Variants in ZZZ3 observed in about 807,000 individuals in gnomAD.
The protein encoded by ZZZ3 is zinc finger ZZ-type containing 3.
In ZZZ3, 22 loss-of-function variants were observed where a neutral mutation model predicts 95.2. That is an observed-to-expected ratio of 0.23 (90% confidence interval 0.17 to 0.33). The LOEUF is 0.33. Among genes scored for constraint, ZZZ3 ranks in the 10% least tolerant of loss-of-function variants. ZZZ3 has a pLI of 1.00. For missense variants in ZZZ3, 885 were observed against 1,066.5 expected (o/e 0.83, Z 2.37); for synonymous variants, 335 against 358.9 (o/e 0.93, Z 0.75).
chr1:77,630,113 A>G (rs1667664595), intron 5 of ZZZ3, among the ~76,000 whole-genome samples: 1 of 152,198 alleles, frequency 6.6e-6, no homozygotes, highest in Non-Finnish European at 1.5e-5. Context: ...ACATTTCTTT[A>G]GTTTTTGGTA....
chr1:77,624,219 C>T (rs1018373977), intron 5 of ZZZ3, among the ~76,000 whole-genome samples: 2 of 152,138 alleles, frequency 1.3e-5, no homozygotes, highest in Non-Finnish European at 2.9e-5. Context: ...ACACAGAGCT[C>T]CTAAGACCTC....
At chr1:77,618,193 G>A (rs985679750) in intron 5 of ZZZ3, among the ~76,000 whole-genome samples, 12 of 148,452 alleles carry the variant, frequency 8.1e-5, no homozygotes, top group Admixed American at 6.7e-4. Flanking sequence ...CTTTTTGCTG[G>A]AAGATATACC....
intron 12 of ZZZ3, among the ~76,000 whole-genome samples, chr1:77,575,828 G>A (rs185768729): frequency 8.3e-4 from 126 of 152,310 alleles, no homozygotes; most frequent in African/African-American, 2.9e-3. Context: ...CAGAGTTGAG[G>A]TGGGTAGGGA....
chr1:77,581,087 C>T lies in ZZZ3; in HGVS notation c.1909-18G>A. The T allele has an allele frequency of 6.2e-7, 1 of 1,609,538 alleles. No individual in the cohort carries two copies. Among genetic ancestry groups the T allele is most frequent in the Non-Finnish European group, 8.5e-7 (1 of 1,176,004 alleles). ...CTTATCATCTGCACATAAGACAAGG[C>T]TTTTGTCAGAGAGAAAATAACAACA... On this transcript the variant is annotated intron_variant, in intron 8 of 14. Transcript: ENST00000370801.
At chr1:77,627,177 T>A (rs1016391501) in intron 5 of ZZZ3, among the ~76,000 whole-genome samples, 3 of 152,178 alleles carry the variant, frequency 2.0e-5, no homozygotes, top group African/African-American at 7.2e-5. Context: ...AGAAGTTTGA[T>A]CCTATTTAGT....
At chr1:77,636,705 GAAAAAAAA>G (rs10568853) in intron 4 of ZZZ3, among the ~76,000 whole-genome samples, 5 of 67,646 alleles carry the variant, frequency 7.4e-5, no homozygotes, top group Non-Finnish European at 1.3e-4. Context: ...GCCCTGTCTT[GAAAAAAAA>G]AAAAAAAAAA....
intron 5 of ZZZ3, among the ~76,000 whole-genome samples, chr1:77,590,516 C>T (rs1663578670): frequency 6.6e-6 from 1 of 152,232 alleles, no homozygotes; most frequent in Admixed American, 6.5e-5. Flanking sequence ...TGCAATAGAA[C>T]CACATTATCC....
chr1:77,583,334 G>T (rs988644954), intron 6 of ZZZ3, among the ~76,000 whole-genome samples: 3 of 152,100 alleles, frequency 2.0e-5, no homozygotes, highest in South Asian at 4.1e-4. Flanking sequence ...TGTTTTAGTT[G>T]AATCCATTGT....
At chr1:77,638,059 G>A (rs183804345) in intron 4 of ZZZ3, among the ~76,000 whole-genome samples, 19 of 152,246 alleles carry the variant, frequency 1.2e-4, no homozygotes, top group African/African-American at 3.9e-4. Flanking sequence ...TTTCCTATAT[G>A]TTATCTACCA....
At chr1:77,635,873 T>C (rs966208305) in intron 4 of ZZZ3, among the ~76,000 whole-genome samples, 1 of 152,080 alleles carries the variant, frequency 6.6e-6, no homozygotes, top group Non-Finnish European at 1.5e-5. Flanking sequence ...GCCACTGCAC[T>C]CTAGCCTGGG....
intron 1 of ZZZ3, among the ~76,000 whole-genome samples, chr1:77,668,173 T>G (rs1183543601): frequency 6.6e-6 from 1 of 152,228 alleles, no homozygotes; most frequent in African/African-American, 2.4e-5. Context: ...GAATTTTTTT[T>G]GTAATTTAAA....
chr1:77,620,070 G>A (rs1042739745), intron 5 of ZZZ3, among the ~76,000 whole-genome samples: 2 of 152,018 alleles, frequency 1.3e-5, no homozygotes, highest in African/African-American at 4.8e-5. Context: ...CACACAAGGA[G>A]CAACTAATAA....
chr1:77,611,588 A>C (rs1057050306), intron 5 of ZZZ3, among the ~76,000 whole-genome samples: 1 of 152,080 alleles, frequency 6.6e-6, no homozygotes, highest in Non-Finnish European at 1.5e-5. Context: ...CAATGATTTC[A>C]AAATATACTA....
intron 5 of ZZZ3, among the ~76,000 whole-genome samples, chr1:77,610,776 A>T (rs144243654): frequency 6.6e-6 from 1 of 151,956 alleles, no homozygotes; most frequent in Non-Finnish European, 1.5e-5. Flanking sequence ...ATTAAAAAAA[A>T]AAACTCTCAA....
At chr1:77,661,119 T>G (rs1000770304) in intron 1 of ZZZ3, among the ~76,000 whole-genome samples, 1 of 150,678 alleles carries the variant, frequency 6.6e-6, no homozygotes, top group Non-Finnish European at 1.5e-5. Flanking sequence ...ACCATACAGT[T>G]AACAATGGTA....
At chr1:77,602,289 A>G (rs1664805396) in intron 5 of ZZZ3, among the ~76,000 whole-genome samples, 1 of 152,240 alleles carries the variant, frequency 6.6e-6, no homozygotes, top group African/African-American at 2.4e-5. Flanking sequence ...GGGGAAATAC[A>G]GAAAAGGTGC....
intron 12 of ZZZ3, among the ~76,000 whole-genome samples, chr1:77,575,603 A>T (rs182001130): frequency 9.2e-5 from 14 of 152,356 alleles, no homozygotes; most frequent in African/African-American, 3.4e-4. Context: ...CCAGTTCTTC[A>T]ACAAAAACAT....
rs145096396 is a variant in ZZZ3, at chr1:77,581,531, G to C, written c.1908+245C>G. On this transcript the variant is annotated intron_variant, in intron 8 of 14. Transcript: ENST00000370801. The stretch of plus-strand genomic sequence containing the variant: ...CCCTCACCAACAACCCTACAAGATA[G>C]GTAATATCAACTACATTTTATACAA... Among the ~76,000 whole-genome samples, 24 of 152,216 alleles carry C rather than the reference G, an allele frequency of 1.6e-4. No individual in the cohort carries two copies. The East Asian group carries it at 4.0e-3, about 26-fold the overall frequency.
Position 77,584,669 on chromosome 1 carries a change from G to A in ZZZ3, c.1506-14C>T. 2 of 1,524,928 alleles carry A rather than the reference G, an allele frequency of 1.3e-6. No homozygotes were observed. Among genetic ancestry groups the A allele is most frequent in the South Asian group, 1.3e-5 (1 of 75,686 alleles). The allele number at this position is 1,524,928 out of a possible 1,614,324, so 94.5% of individuals were successfully genotyped here. A position where few individuals can be genotyped will look rare whatever the true frequency, so the allele number is the denominator to read the frequency against. On this transcript the variant is annotated splice_polypyrimidine_tract_variant and intron_variant, in intron 5 of 14. Coordinates refer to ENST00000370801, the MANE Select transcript of ZZZ3 (RefSeq NM_015534.6). ...AGTCTCTGATAACTACAGAGACAAA[G>A]AAAAATATTTCACAAAAATTTTCTA...
Sources: gnomAD v4.1 joint callset for allele counts (sites outside exome capture counted in the v4.1 genomes callset) on GRCh38, gnomAD v4.1.1 for gene constraint, MANE v1.5 for transcripts, NCBI Gene and HGNC (gene_info 2026-07-23, HGNC 2026-07-21) for gene names.